The following KTN1 variants were observed in gnomAD, a reference collection of about 807,000 sequenced individuals.
KTN1 encodes kinectin.
In KTN1, 130 loss-of-function variants were observed where a neutral mutation model predicts 222.5. The ratio of observed to expected loss-of-function variants is 0.58; its 90% confidence interval spans 0.51 to 0.68. The LOEUF is 0.68. Among genes scored for constraint, KTN1 ranks in the 30% least tolerant of loss-of-function variants. KTN1 has a pLI of 0.00. For synonymous variants in KTN1, 512 were observed against 496.3 expected (o/e 1.03, Z -0.42); for missense variants, 1,508 against 1,500.4 (o/e 1.01, Z -0.08).
At chr14:55,639,279 T>C in intron 13 of KTN1, 57 bp downstream of exon 13, 13 of 1,205,772 alleles carry the variant, frequency 1.1e-5, no homozygotes, top group Non-Finnish European at 1.5e-5. Context: ...CTGATACTTG[T>C]TAGATGCGAC....
Position 55,641,737 on chromosome 14 carries a change from C to G in KTN1, c.2149C>G (p.Leu717Val), listed in dbSNP as rs995672897. 6.3e-7 allele frequency: 1 copy of G among 1,599,628 alleles called. No individual in the cohort carries two copies. The highest frequency in any genetic ancestry group is 1.3e-5 in the African/African-American group (1 of 74,588). The change falls in exon 18 of 44, where the codon CTA becomes GTA. Residue 717 changes from leucine (L) to valine (V), a missense_variant. Physicochemically the swap from Leu to Val is conservative, Grantham distance 32 (BLOSUM62 1). Transcript: ENST00000395314. The stretch of plus-strand genomic sequence containing the variant: ...AGCATTAAAATCAGAAGTTCAGAAG[C>G]TACAGACTCTTGTTTCTGAACAGGT... ...NKALKSEVQK[L>V]QTLVSEQPNK...
intron 2 of KTN1, 92 bp from the exon 3 acceptor site, chr14:55,616,425 G>T: frequency 8.3e-7 from 1 of 1,207,062 alleles, no homozygotes; most frequent in Non-Finnish European, 1.2e-6. Flanking sequence ...ATTTTTAGTG[G>T]TAAAACATTC....
At chr14:55,636,736 A>T (rs2041168215) in intron 10 of KTN1, among the ~76,000 whole-genome samples, 200 bp downstream of exon 10, 1 of 152,148 alleles carries the variant, frequency 6.6e-6, no homozygotes, top group African/African-American at 2.4e-5. Context: ...TGCCTGAAGC[A>T]TTAAAGTTGC....
chr14:55,631,341 G>GATATAT (rs56190231), intron 7 of KTN1, among the ~76,000 whole-genome samples: 3,020 of 114,588 alleles, frequency 0.026, 73 homozygotes, highest in South Asian at 0.044. Context: ...TGATAAGGTT[G>GATATAT]ATATATATAT....
At chr14:55,588,327 G>C (rs904923592) in intron 1 of KTN1, among the ~76,000 whole-genome samples, 2 of 152,132 alleles carry the variant, frequency 1.3e-5, no homozygotes, top group African/African-American at 4.8e-5. Context: ...GAAACAGTGA[G>C]CAACTGTAAC....
intron 3 of KTN1, among the ~76,000 whole-genome samples, chr14:55,616,879 A>G (rs2038475067): frequency 6.6e-6 from 1 of 152,258 alleles, no homozygotes; most frequent in Non-Finnish European, 1.5e-5. Flanking sequence ...TACCATTTAC[A>G]AAGGGCAAAG....
At chr14:55,652,820 C>G in intron 25 of KTN1, 30 bp from the exon 26 acceptor site, 2 of 1,475,134 alleles carry the variant, frequency 1.4e-6, no homozygotes, top group Non-Finnish European at 1.9e-6. Flanking sequence ...GTAACATTTT[C>G]ATTTAGAGTT....
In KTN1 at chr14:55,639,197, G is replaced by C. The variant is rs753218221; in HGVS notation, c.1798G>C (p.Val600Leu). The change falls in exon 13 of 44, where the codon GTT (valine) becomes CTT (leucine). Residue 600 changes from valine to leucine, a missense_variant. Val to Leu is a conservative substitution (Grantham distance 32). Transcript: ENST00000395314. ...SQIAAQTSASVLAEELHKVIA... is the reference protein window; with the variant it reads ...SQIAAQTSASLLAEELHKVIA... Reference sequence around the variant, plus strand: ...TTTTCTTTCTTAGACCTCCGCTTCAGTTCTAGCAGAAGAATTACATAAAGT... The same window carrying C: ...TTTTCTTTCTTAGACCTCCGCTTCACTTCTAGCAGAAGAATTACATAAAGT... 6.2e-7 allele frequency: 1 copy of C among 1,604,888 alleles called. No homozygotes were observed. Among genetic ancestry groups the C allele is most frequent in the Non-Finnish European group, 8.5e-7 (1 of 1,172,366 alleles).
At position 55,630,096 on chromosome 14, in the gene KTN1, A is replaced by G; in HGVS notation, c.1220A>G (p.Lys407Arg). The stretch of plus-strand genomic sequence containing the variant: ...CAAGAGACTCAACAGATGCAGATGA[A>G]GGTATATTTTCATTCTTTGGAAACA... ...SYQETQQMQM[K>R]FQQVREQMEA... is the part of the protein sequence containing the mutation. Residue 407 changes from lysine (K) to arginine (R), a missense_variant and splice_region_variant, in exon 7 of 44, where the codon AAG (lysine) becomes AGG (arginine). Physicochemically the swap from Lys to Arg is conservative, Grantham distance 26. Coordinates refer to ENST00000395314, the MANE Select transcript of KTN1 (RefSeq NM_001079521.2). 1 of 1,609,534 alleles carries G rather than the reference A, an allele frequency of 6.2e-7. No individual in the cohort carries two copies. Among genetic ancestry groups the G allele is most frequent in the Non-Finnish European group, 8.5e-7 (1 of 1,177,698 alleles).
rs545317255 is a variant in KTN1, at chr14:55,626,920, A to G, written c.964-992A>G. On this transcript the variant is annotated intron_variant, in intron 5 of 43. Transcript: ENST00000395314. ...TCTTCCAAGAAAGTTCCTGCTTGCA[A>G]TCTTTGCACTTGTTTGTTGTTTCCC... Among the ~76,000 whole-genome samples, 16 of 151,422 alleles carry G rather than the reference A, an allele frequency of 1.1e-4. No homozygotes were observed. In the South Asian group the frequency reaches 3.1e-3, roughly 30 times the overall value.
intron 43 of KTN1, chr14:55,681,861 T>C (rs1370574428): frequency 2.6e-5 from 4 of 152,182 alleles, no homozygotes; most frequent in African/African-American, 7.2e-5. Flanking sequence ...TTATACCCGT[T>C]AAATGTTTGT....
At chr14:55,593,444 C>CCG (rs1455894585) in intron 1 of KTN1, among the ~76,000 whole-genome samples, 1 of 140,206 alleles carries the variant, frequency 7.1e-6, no homozygotes, top group Non-Finnish European at 1.6e-5. Flanking sequence ...ACACCCCCCC[C>CCG]CCAAAAAAAA....
intron 18 of KTN1, among the ~76,000 whole-genome samples, chr14:55,645,253 A>G (rs1171544368): frequency 6.6e-6 from 1 of 152,214 alleles, no homozygotes; most frequent in African/African-American, 2.4e-5. Context: ...GTGTGGCAAG[A>G]TTGGCATATT....
At chr14:55,627,873 G>A in intron 5 of KTN1, 39 bp from the exon 6 acceptor site, 1 of 1,150,230 alleles carries the variant, frequency 8.7e-7, no homozygotes. Context: ...TTAGCCCATG[G>A]TAACTATTAC....
At chr14:55,639,362 CTT>C (rs369782699) in intron 13 of KTN1, 140 bp downstream of exon 13, 19,267 of 344,298 alleles carry the variant, frequency 0.056, no homozygotes, top group Middle Eastern at 0.069. Flanking sequence ...GCAACTTTTG[CTT>C]TTTTTTTTTT....
At chr14:55,646,948 C>CT (rs745722410) in intron 18 of KTN1, 25 bp from the exon 19 acceptor site, 6 of 1,465,260 alleles carry the variant, frequency 4.1e-6, no homozygotes, top group Non-Finnish European at 5.7e-6. Flanking sequence ...TAAAGTTAAA[C>CT]TTTTTTTGGT....
Position 55,582,027 on chromosome 14 carries a change from C to A in KTN1, c.-31+1673C>A, listed in dbSNP as rs1338092156. Among the ~76,000 whole-genome samples, 13 of 151,954 alleles carry A rather than the reference C, an allele frequency of 8.6e-5. 1 individual carries two copies. Among genetic ancestry groups the A allele is most frequent in the Admixed American group, 8.5e-4 (13 of 15,258 alleles). On this transcript the variant is annotated intron_variant, in intron 1 of 43. Coordinates refer to ENST00000395314, the MANE Select transcript of KTN1 (RefSeq NM_001079521.2). ...TTCTAATTTTGTAGCCTTCATCAGACATAACAATACCTTATCAAGTGAGCT... is the reference window on the plus strand; with the variant it reads ...TTCTAATTTTGTAGCCTTCATCAGAAATAACAATACCTTATCAAGTGAGCT...
chr14:55,625,482 C>A (rs2039692864), intron 5 of KTN1, among the ~76,000 whole-genome samples: 1 of 152,056 alleles, frequency 6.6e-6, no homozygotes, highest in Non-Finnish European at 1.5e-5. Flanking sequence ...TCTCAACTTT[C>A]ATTAATAATA....
Position 55,670,735 on chromosome 14 carries a change from G to A in KTN1, c.3274G>A (p.Gly1092Ser), listed in dbSNP as rs2141308631. The change falls in exon 35 of 44, where the codon GGT (glycine) becomes AGT (serine). Residue 1092 changes from glycine to serine, a missense_variant. Physicochemically the swap from Gly to Ser is moderately conservative, Grantham distance 56. Coordinates refer to ENST00000395314, the MANE Select transcript of KTN1 (RefSeq NM_001079521.2). Reference protein sequence around the residue: ...KVSVPSNLSYGEWLHGFEKKA... With the variant: ...KVSVPSNLSYSEWLHGFEKKA... ...TAACTTTTCTCGTCCACAGAGTTAT[G>A]GTGAATGGTTGCATGGATTTGAAAA... 2 of 1,602,778 alleles carry A rather than the reference G, an allele frequency of 1.2e-6. No homozygotes were observed. Among genetic ancestry groups the A allele is most frequent in the Non-Finnish European group, 8.5e-7 (1 of 1,172,356 alleles).
Sources: allele counts gnomAD v4.1 joint callset (sites outside exome capture counted in the v4.1 genomes callset), GRCh38; gene constraint gnomAD v4.1.1; transcripts MANE v1.5; gene names NCBI Gene and HGNC (gene_info 2026-07-23, HGNC 2026-07-21).